Variants in POLN observed in about 807,000 individuals in gnomAD.
POLN encodes DNA polymerase N.
POLN carries 108 observed loss-of-function variants against 113.5 expected under a neutral mutation model. That is an observed-to-expected ratio of 0.95 (90% CI 0.81 to 1.12). POLN has a LOEUF of 1.12. Among genes scored for constraint, POLN ranks in the 50% most tolerant of loss-of-function variants. The probability of loss-of-function intolerance (pLI) is 0.00; values close to 1 mark genes in which losing one functional copy is unlikely to be tolerated. For missense variants in POLN, 1,097 were observed against 1,077.1 expected (o/e 1.02, Z -0.26); for synonymous variants, 386 against 391.5 (o/e 0.99, Z 0.17).
At chr4:2,151,983 A>AATAC (rs1371267993) in intron 16 of POLN, among the ~76,000 whole-genome samples, 1 of 151,968 alleles carries the variant, frequency 6.6e-6, no homozygotes, top group Admixed American at 6.6e-5. Flanking sequence ...GCTTTCTGAA[A>AATAC]ATACTGAGAA....
At chr4:2,100,602 G>GA (rs1445690245) in intron 19 of POLN, among the ~76,000 whole-genome samples, 2 of 152,082 alleles carry the variant, frequency 1.3e-5, no homozygotes, top group African/African-American at 4.8e-5. Context: ...ACTGGGGGGT[G>GA]AATACTTAAG....
chr4:2,088,924 A>T (rs1427537086), intron 20 of POLN: 1 of 1,168,350 alleles, frequency 8.6e-7, no homozygotes, highest in Non-Finnish European at 1.2e-6. Flanking sequence ...TTGAGGCAAA[A>T]GCTGAAGGTC....
intron 6 of POLN, among the ~76,000 whole-genome samples, chr4:2,196,861 T>A (rs1733588517): frequency 6.6e-6 from 1 of 152,148 alleles, no homozygotes; most frequent in Non-Finnish European, 1.5e-5. Flanking sequence ...CATAAAGGAA[T>A]GAGGCAGTAA....
intron 20 of POLN, chr4:2,090,099 A>C: frequency 1.1e-6 from 1 of 927,230 alleles, no homozygotes; most frequent in Non-Finnish European, 1.7e-6. Flanking sequence ...AGGGTTTGCT[A>C]CTATAATCCA....
At chr4:2,237,607 A>C (rs1734812507) in intron 2 of POLN, among the ~76,000 whole-genome samples, 1 of 152,216 alleles carries the variant, frequency 6.6e-6, no homozygotes, top group Non-Finnish European at 1.5e-5. Context: ...GTTTTCTGTT[A>C]TGTGAAAGCT....
intron 2 of POLN, chr4:2,241,059 G>A (rs1215109921): frequency 8.0e-6 from 6 of 751,068 alleles, no homozygotes; most frequent in Non-Finnish European, 1.3e-5. Context: ...CACAGAGAAG[G>A]GAAAATATAT....
chr4:2,096,714 G>GAT (rs1198785806), intron 19 of POLN, among the ~76,000 whole-genome samples: 2 of 151,702 alleles, frequency 1.3e-5, no homozygotes, highest in African/African-American at 4.9e-5. Context: ...GAGAGAGAGA[G>GAT]AGAGAGAGAG....
intron 19 of POLN, among the ~76,000 whole-genome samples, chr4:2,099,237 T>C (rs1379414999): frequency 6.6e-6 from 1 of 152,220 alleles, no homozygotes; most frequent in Non-Finnish European, 1.5e-5. Flanking sequence ...GCTTAGTGAC[T>C]TGCTCTCAAA....
At chr4:2,110,170 A>G (rs1731156971) in intron 19 of POLN, among the ~76,000 whole-genome samples, 1 of 152,230 alleles carries the variant, frequency 6.6e-6, no homozygotes, top group Non-Finnish European at 1.5e-5. Flanking sequence ...AGGCAGAAAT[A>G]AAGATGTTCT....
chr4:2,235,765 A>ATG (rs1244341403), intron 2 of POLN, among the ~76,000 whole-genome samples: 2 of 152,190 alleles, frequency 1.3e-5, no homozygotes, highest in African/African-American at 2.4e-5. Flanking sequence ...ATATGTGTGT[A>ATG]TGTGTGTGCG....
intron 23 of POLN, chr4:2,078,864 CAG>C: frequency 1.0e-6 from 1 of 985,482 alleles, no homozygotes; most frequent in Non-Finnish European, 1.2e-6. Context: ...CAGTCAGCAA[CAG>C]AGAGAGACCT....
At chr4:2,192,137 T>TAAAAAA (rs1733466664) in intron 7 of POLN, among the ~76,000 whole-genome samples, 1 of 140,278 alleles carries the variant, frequency 7.1e-6, no homozygotes, top group African/African-American at 2.9e-5. Flanking sequence ...AAAAAAAAAT[T>TAAAAAA]GGCTGGAAAT....
chr4:2,240,906 A>ATT, intron 2 of POLN: 1 of 1,597,364 alleles, frequency 6.3e-7, no homozygotes, highest in Non-Finnish European at 8.5e-7. Context: ...GGGATAACCA[A>ATT]TTTTTTTTAA....
intron 4 of POLN, among the ~76,000 whole-genome samples, chr4:2,211,874 A>T (rs769576582): frequency 1.3e-5 from 2 of 152,192 alleles, no homozygotes; most frequent in African/African-American, 2.4e-5. Context: ...AAAAGTTTGC[A>T]GACCCCTGCC....
At chr4:2,186,565 A>G (rs1278604876) in intron 7 of POLN, among the ~76,000 whole-genome samples, 1 of 152,190 alleles carries the variant, frequency 6.6e-6, no homozygotes, top group African/African-American at 2.4e-5. Context: ...CTGAAAAGGA[A>G]GCAAGGACCT....
intron 24 of POLN, 90 bp downstream of exon 24, chr4:2,075,362 G>A: frequency 1.4e-6 from 2 of 1,392,298 alleles, no homozygotes; most frequent in Admixed American, 3.6e-5. Context: ...GAAGACAGCT[G>A]AGGGGCTTTC....
chr4:2,236,151 G>A (rs1734755727), intron 2 of POLN: 2 of 809,104 alleles, frequency 2.5e-6, no homozygotes, highest in East Asian at 5.3e-5. Context: ...TTTTCCTCAT[G>A]TTAACATTTT....
At chr4:2,169,215 C>A (rs1425680752) in intron 13 of POLN, among the ~76,000 whole-genome samples, 1 of 152,174 alleles carries the variant, frequency 6.6e-6, no homozygotes, top group East Asian at 1.9e-4. Context: ...ATACGCTCTG[C>A]AGCTCAGATT....
intron 4 of POLN, among the ~76,000 whole-genome samples, chr4:2,209,657 C>CTTTTTT (rs1175117439): frequency 1.7e-4 from 18 of 108,398 alleles, no homozygotes; most frequent in Non-Finnish European, 2.1e-4. Context: ...TTTCCTTTTC[C>CTTTTTT]TTTTTTTTTT....
Sources: allele counts gnomAD v4.1 joint callset (sites outside exome capture counted in the v4.1 genomes callset), GRCh38; gene constraint gnomAD v4.1.1; transcripts MANE v1.5; gene names NCBI Gene and HGNC (gene_info 2026-07-23, HGNC 2026-07-21).